TASP1: variants seen among roughly 807,000 people sequenced by gnomAD.
The protein encoded by TASP1 is taspase 1.
Under a neutral mutation model 56.6 loss-of-function variants are expected in TASP1, and 16 were observed. That is an observed-to-expected ratio of 0.28 (90% CI 0.19 to 0.43). The LOEUF is 0.43. TASP1 is among the 20% of genes least tolerant of loss of function. The pLI, the probability that TASP1 is intolerant of heterozygous loss-of-function variation, is 1.00. For missense variants in TASP1, 393 were observed against 511.6 expected (o/e 0.77, Z 2.24); for synonymous variants, 179 against 184.2 (o/e 0.97, Z 0.23).
intron 10 of TASP1, among the ~76,000 whole-genome samples, chr20:13,518,394 C>A (rs3789342): frequency 0.35 from 53,820 of 151,890 alleles, 10,335 homozygotes; most frequent in Non-Finnish European, 0.43. Flanking sequence ...GAAGAAAGAG[C>A]TATCTTCATG....
intron 11 of TASP1, among the ~76,000 whole-genome samples, chr20:13,452,871 C>T (rs1178686164): frequency 1.3e-5 from 2 of 151,956 alleles, no homozygotes; most frequent in Admixed American, 6.6e-5. Flanking sequence ...TGATAAAGGT[C>T]ACAAAGAAGA....
the TASP1 span, among the ~76,000 whole-genome samples, chr20:13,230,622 G>T: frequency 1.3e-5 from 2 of 152,062 alleles, no homozygotes; most frequent in African/African-American, 4.8e-5. Flanking sequence ...ACAGCTAAGA[G>T]TGTCCCTCTG....
intron 4 of TASP1, among the ~76,000 whole-genome samples, chr20:13,610,648 G>A (rs1190000957): frequency 6.6e-6 from 1 of 152,078 alleles, no homozygotes; most frequent in Non-Finnish European, 1.5e-5. Context: ...GGATCTCTCA[G>A]TATTATTTCT....
chr20:13,284,057 C>T, the TASP1 span, among the ~76,000 whole-genome samples: 1 of 152,336 alleles, frequency 6.6e-6, no homozygotes, highest in African/African-American at 2.4e-5. Context: ...ACCTTAACCT[C>T]TCTGAGCCTC....
the TASP1 span, chr20:13,239,315 T>C: frequency 2.6e-5 from 4 of 152,224 alleles, no homozygotes; most frequent in African/African-American, 9.7e-5. Flanking sequence ...AATGGTTCTT[T>C]CACTTCTTAT....
chr20:13,588,314 A>G (rs1568618376), intron 4 of TASP1, among the ~76,000 whole-genome samples: 69 of 112,334 alleles, frequency 6.1e-4, no homozygotes, highest in African/African-American at 1.7e-3. Context: ...AGGAAGAGAA[A>G]GAAAAGGAAG....
At chr20:13,608,557 C>T (rs1294093556) in intron 4 of TASP1, among the ~76,000 whole-genome samples, 2 of 152,234 alleles carry the variant, frequency 1.3e-5, no homozygotes, top group Non-Finnish European at 2.9e-5. Flanking sequence ...ATAGAAAATA[C>T]ACAAATGAAT....
chr20:13,491,307 T>TA (rs1449151480), intron 10 of TASP1, among the ~76,000 whole-genome samples: 2 of 152,196 alleles, frequency 1.3e-5, no homozygotes, highest in African/African-American at 4.8e-5. Context: ...CCCCAGTATC[T>TA]AAAATAAAAC....
At chr20:13,317,615 T>G in the TASP1 span, among the ~76,000 whole-genome samples, 2 of 151,842 alleles carry the variant, frequency 1.3e-5, no homozygotes, top group Non-Finnish European at 2.9e-5. Context: ...TGGAACAGAC[T>G]AGAGAGCCAG....
At chr20:13,417,271 T>C (rs978842984) in intron 13 of TASP1, among the ~76,000 whole-genome samples, 177 bp downstream of exon 13, 3 of 152,230 alleles carry the variant, frequency 2.0e-5, no homozygotes, top group East Asian at 1.9e-4. Flanking sequence ...AAAATAGATA[T>C]GCTGGTTTTC....
chr20:13,306,077 A>G, the TASP1 span, among the ~76,000 whole-genome samples: 3 of 131,850 alleles, frequency 2.3e-5, no homozygotes, highest in African/African-American at 6.0e-5. Context: ...TGCCCTCAAA[A>G]TGAAAAAAAC....
chr20:13,408,776 A>G (rs1180207145), intron 13 of TASP1, among the ~76,000 whole-genome samples: 3 of 152,160 alleles, frequency 2.0e-5, no homozygotes, highest in Non-Finnish European at 4.4e-5. Context: ...CTCTGTTGAA[A>G]TAAAGTTAGC....
chr20:13,277,599 T>C, the TASP1 span, among the ~76,000 whole-genome samples: 13 of 152,076 alleles, frequency 8.5e-5, no homozygotes, highest in South Asian at 2.7e-3. Context: ...ATAGCAATGA[T>C]ACAAGATGTA....
intron 1 of TASP1, among the ~76,000 whole-genome samples, chr20:13,633,414 G>C (rs541166534): frequency 1.3e-5 from 2 of 152,072 alleles, no homozygotes; most frequent in Non-Finnish European, 2.9e-5. Flanking sequence ...CCATCTGAAT[G>C]AATTATTTAT....
At chr20:13,360,774 C>T in the TASP1 span, among the ~76,000 whole-genome samples, 38 of 152,344 alleles carry the variant, frequency 2.5e-4, no homozygotes, top group Admixed American at 5.9e-4. Flanking sequence ...TCTCCCACAA[C>T]TACCACTGTT....
chr20:13,216,715 A>G, the TASP1 span, among the ~76,000 whole-genome samples: 2 of 152,174 alleles, frequency 1.3e-5, no homozygotes, highest in Non-Finnish European at 2.9e-5. Context: ...TTATTTCTCA[A>G]TTACACAATA....
intron 11 of TASP1, among the ~76,000 whole-genome samples, chr20:13,443,949 A>G (rs964405114): frequency 6.6e-6 from 1 of 152,224 alleles, no homozygotes; most frequent in Non-Finnish European, 1.5e-5. Context: ...ACAGATGTCC[A>G]CAACACACAA....
In TASP1 at chr20:13,483,352, A is replaced by T. The variant is rs374379114; in HGVS notation, c.875-15T>A. 1.4e-4 allele frequency: 222 copies of T among 1,535,414 alleles called. No individual in the cohort carries two copies. Among genetic ancestry groups the T allele is most frequent in the Non-Finnish European group, 1.9e-4 (214 of 1,134,886 alleles). ...CTCTCCACATCCTAGAAATCCAAAG[A>T]AACCAACAGTTGAGGAAAAGCAGCA... On this transcript the variant is annotated splice_polypyrimidine_tract_variant and intron_variant, in intron 10 of 13. Transcript: ENST00000337743.
the TASP1 span, among the ~76,000 whole-genome samples, chr20:13,326,216 TA>T: frequency 6.6e-6 from 1 of 152,328 alleles, no homozygotes; most frequent in South Asian, 2.1e-4. Flanking sequence ...ACTCGCCTAC[TA>T]AAGGATATTT....
Sources: allele counts gnomAD v4.1 joint callset (sites outside exome capture counted in the v4.1 genomes callset), GRCh38; gene constraint gnomAD v4.1.1; transcripts MANE v1.5; gene names NCBI Gene and HGNC (gene_info 2026-07-23, HGNC 2026-07-21).